The following CEP57 variants were observed in gnomAD, a reference collection of about 807,000 sequenced individuals.
CEP57 encodes the protein centrosomal protein of 57 kDa.
CEP57 carries 40 observed loss-of-function variants against 68.0 expected under a neutral mutation model. That is an observed-to-expected ratio of 0.59 (90% confidence interval 0.46 to 0.77). CEP57 has a LOEUF of 0.77. Among genes scored for constraint, CEP57 ranks in the 30% least tolerant of loss-of-function variants. CEP57 has a pLI of 0.00. For synonymous variants in CEP57, 219 were observed against 198.7 expected, an observed-to-expected ratio of 1.10 and a Z score of -0.86; for missense variants, 606 against 580.7, an observed-to-expected ratio of 1.04 and a Z score of -0.45.
rs748625842 is a variant in CEP57 at position 95,829,350 on chromosome 11, A to C, written c.1272+19A>C. ...AGCCCAGGTAACTCAGTTTTCCTTC[A>C]CTCAAGTTTCTAATGATTAAGAAAA... On this transcript the variant is annotated intron_variant, in intron 10 of 10. Coordinates refer to ENST00000325542, the MANE Select transcript of CEP57 (RefSeq NM_014679.5). 3 of 1,611,114 alleles carry C rather than the reference A, an allele frequency of 1.9e-6. No individual in the cohort carries two copies. In the African/African-American group the frequency reaches 4.0e-5, roughly 22 times the overall value.
chr11:95,807,407 T>G (rs1861850519), intron 2 of CEP57, among the ~76,000 whole-genome samples: 1 of 152,008 alleles, frequency 6.6e-6, no homozygotes, highest in Admixed American at 6.6e-5. Flanking sequence ...CGATCGGTGA[T>G]AACAAACTTC....
At position 95,822,528 on chromosome 11, in the gene CEP57, A is replaced by G. The variant is rs767473854; in HGVS notation, c.837A>G (p.Gln279=). The part of the protein sequence containing the change: ...KKSSRNYFGA[Q]PHYRLCLGDM... Reference sequence around the variant, plus strand: ...GTTCTAGGAACTATTTTGGTGCACAACCACATTATAGATTATGCTTGGGTG... The same window carrying G: ...GTTCTAGGAACTATTTTGGTGCACAGCCACATTATAGATTATGCTTGGGTG... Residue 279 remains glutamine (Q), a synonymous_variant, in exon 8 of 11, where the codon CAA becomes CAG. Coordinates refer to ENST00000325542, the MANE Select transcript of CEP57 (RefSeq NM_014679.5). The G allele has an allele frequency of 1.2e-5, 20 of 1,613,772 alleles. No homozygotes were observed. The highest frequency in any genetic ancestry group is 1.2e-4 in the South Asian group (11 of 91,074).
At chr11:95,812,415 C>CT (rs1468029861) in intron 2 of CEP57, among the ~76,000 whole-genome samples, 6 of 151,836 alleles carry the variant, frequency 4.0e-5, no homozygotes, top group Admixed American at 3.3e-4. Flanking sequence ...CACTCAATGT[C>CT]TTTTTTTTAA....
At chr11:95,821,572 T>C (rs1862518848) in intron 6 of CEP57, among the ~76,000 whole-genome samples, 1 of 152,184 alleles carries the variant, frequency 6.6e-6, no homozygotes, top group African/African-American at 2.4e-5. Flanking sequence ...GTTAGATACA[T>C]TGCATTTAAC....
At chr11:95,824,792 A>G (rs1862668937) in intron 8 of CEP57, among the ~76,000 whole-genome samples, 4 of 152,250 alleles carry the variant, frequency 2.6e-5, no homozygotes, top group Admixed American at 1.3e-4. Context: ...ATTTACAATC[A>G]GGACTGCCCT....
chr11:95,821,792 C>T, intron 6 of CEP57, 79 bp from the exon 7 acceptor site: 1 of 990,792 alleles, frequency 1.0e-6, no homozygotes, highest in Non-Finnish European at 1.6e-6. Context: ...TTTTTACAGG[C>T]TTTTTACATG....
At chr11:95,811,510 C>A in intron 2 of CEP57, among the ~76,000 whole-genome samples, 1 of 150,124 alleles carries the variant, frequency 6.7e-6, no homozygotes, top group African/African-American at 2.5e-5. Flanking sequence ...AGCACAGCAA[C>A]ATGGCACATG....
chr11:95,792,857 A>G (rs1376288052), intron 1 of CEP57, among the ~76,000 whole-genome samples: 1 of 152,056 alleles, frequency 6.6e-6, no homozygotes, highest in African/African-American at 2.4e-5. Flanking sequence ...TAAGGCTGCC[A>G]TTTCCAACAG....
chr11:95,792,620 A>C (rs1861140493), intron 1 of CEP57, among the ~76,000 whole-genome samples: 1 of 152,248 alleles, frequency 6.6e-6, no homozygotes, highest in African/African-American at 2.4e-5. Flanking sequence ...TTCATTAGGA[A>C]AGCATATTTT....
At position 95,790,758 on chromosome 11, in the gene CEP57, G is replaced by C; in HGVS notation, c.45+15G>C. 6.2e-7 allele frequency: 1 copy of C among 1,613,860 alleles called. No individual in the cohort carries two copies. Among genetic ancestry groups the C allele is most frequent in the Non-Finnish European group, 8.5e-7 (1 of 1,179,912 alleles). On this transcript the variant is annotated intron_variant, in intron 1 of 10. Transcript: ENST00000325542. ...CTCACTTGTCGGTAAGAAGCAGTTG[G>C]CGCGAGTGGGCCCCACGTCGGCCCT...
rs75672368 is a variant in CEP57, at chr11:95,824,959, A to G, written c.885+2383A>G. ...CAATCCTTTGTCCCTGAAGTCAGGA[A>G]GTAATTTGCCAGTAAGAGACTGCCT... On this transcript the variant is annotated intron_variant, in intron 8 of 10. Transcript: ENST00000325542. Among the ~76,000 whole-genome samples the G allele has an allele frequency of 1.0e-3, 158 of 152,304 alleles. 2 individuals are homozygous for G. In the East Asian group the frequency reaches 0.026, roughly 25 times the overall value.
chr11:95,802,612 G>T (rs1331467589), intron 2 of CEP57, among the ~76,000 whole-genome samples: 4 of 152,070 alleles, frequency 2.6e-5, no homozygotes. Context: ...TTCTTACTGG[G>T]AATTTATGAC....
intron 2 of CEP57, among the ~76,000 whole-genome samples, chr11:95,808,546 CAAAA>C (rs1409500452): frequency 6.6e-6 from 1 of 151,634 alleles, no homozygotes; most frequent in African/African-American, 2.4e-5. Flanking sequence ...AAATGGAAAA[CAAAA>C]AAAGGCAGGG....
chr11:95,823,200 GTTC>G (rs1565330333), intron 8 of CEP57: 2 of 152,360 alleles, frequency 1.3e-5, no homozygotes, highest in Non-Finnish European at 2.9e-5. Context: ...GGAAGTAAAT[GTTC>G]TTCTGAATTT....
Position 95,790,709 on chromosome 11 carries a change from C to G in CEP57, c.11C>G (p.Ala4Gly), listed in dbSNP as rs563708574. The change falls in exon 1 of 11, where the codon GCG (alanine) becomes GGG (glycine). Residue 4 changes from alanine to glycine, a missense_variant. Physicochemically the swap from Ala to Gly is moderately conservative, Grantham distance 60. Coordinates refer to ENST00000325542, the MANE Select transcript of CEP57 (RefSeq NM_014679.5). Reference sequence around the variant, plus strand: ...TGGGCAGGCTGAAAGATGGCGGCGGCGTCTGTCTCTGCGGCTTCTGGTTCT... The same window carrying G: ...TGGGCAGGCTGAAAGATGGCGGCGGGGTCTGTCTCTGCGGCTTCTGGTTCT... The part of the protein sequence containing the change: MAA[A>G]SVSAASGSHL... 3 of 1,614,068 alleles carry G rather than the reference C, an allele frequency of 1.9e-6. No individual in the cohort carries two copies. Among genetic ancestry groups the G allele is most frequent in the Non-Finnish European group, 1.7e-6 (2 of 1,179,990 alleles).
chr11:95,826,587 TTAAAAG>T (rs1256656732), intron 8 of CEP57: 1 of 142,080 alleles, frequency 7.0e-6, no homozygotes, highest in African/African-American at 3.1e-5. Context: ...ACGCCAGAAC[TTAAAAG>T]TTGAAGGAAA....
chr11:95,818,820 TCA>T lies in CEP57; in HGVS notation c.622-5_622-4del, dbSNP rs775289872. 4.3e-6 allele frequency: 7 copies of T among 1,612,130 alleles called. No homozygotes were observed. Among genetic ancestry groups the T allele is most frequent in the Non-Finnish European group, 5.9e-6 (7 of 1,178,516 alleles). Reference sequence around the variant, plus strand: ...ACCTTTATCCCTTTTGACATTTTTATCACTAGAAAAAAATGCAAGAGTTGGAA... The same window carrying T: ...ACCTTTATCCCTTTTGACATTTTTATCTAGAAAAAAATGCAAGAGTTGGAA... On this transcript the variant is annotated splice_polypyrimidine_tract_variant and splice_region_variant and intron_variant, in intron 5 of 10. Coordinates refer to ENST00000325542, the MANE Select transcript of CEP57 (RefSeq NM_014679.5).
At chr11:95,807,341 C>G (rs1248381134) in intron 2 of CEP57, among the ~76,000 whole-genome samples, 1 of 152,156 alleles carries the variant, frequency 6.6e-6, no homozygotes, top group African/African-American at 2.4e-5. Flanking sequence ...TTGCCAGCAA[C>G]AGAACAAAGC....
intron 1 of CEP57, among the ~76,000 whole-genome samples, chr11:95,791,962 G>A (rs995344683): frequency 2.0e-5 from 3 of 152,168 alleles, no homozygotes; most frequent in African/African-American, 7.2e-5. Context: ...GAGTATCAGG[G>A]TAAAGTTATT....
Sources: gnomAD v4.1 joint callset for allele counts (sites outside exome capture counted in the v4.1 genomes callset) on GRCh38, gnomAD v4.1.1 for gene constraint, MANE v1.5 for transcripts, NCBI Gene and HGNC (gene_info 2026-07-23, HGNC 2026-07-21) for gene names.